Variants in TRIM65 observed in about 807,000 individuals in gnomAD.
TRIM65 encodes E3 ubiquitin-protein ligase TRIM65.
A neutral mutation model predicts 36.1 loss-of-function variants in TRIM65; 46 were observed. That is an observed-to-expected ratio of 1.27 (90% CI 1.01 to 1.63). The LOEUF is 1.63. Among genes scored for constraint, TRIM65 ranks in the 40% most tolerant of loss-of-function variants. TRIM65 has a pLI of 0.00. For missense variants in TRIM65, 708 were observed against 696.6 expected, an observed-to-expected ratio of 1.02 and a Z score of -0.18; for synonymous variants, 346 against 313.6, an observed-to-expected ratio of 1.10 and a Z score of -1.09.
chr17:75,888,317 T>C (rs2065225664), downstream of TRIM65, among the ~76,000 whole-genome samples: 2 of 148,476 alleles, frequency 1.3e-5, no homozygotes, highest in Non-Finnish European at 3.0e-5. Flanking sequence ...CACGCTATTG[T>C]ACTCCAGCCT....
rs148800033 is a variant in TRIM65, at chr17:75,881,674, A to C, written c.350-1045T>G. 2.3e-4 allele frequency among the ~76,000 whole-genome samples: 35 copies of C among 150,608 alleles called. 1 individual carries two copies. Among genetic ancestry groups the C allele is most frequent in the African/African-American group, 8.0e-4 (32 of 40,014 alleles). ...ATTCTGAGGGTACACACACATTCAG[A>C]CTGTTGCAACTCCAAGTGCCAAAAG... is the stretch of plus-strand genomic sequence containing the variant. On this transcript the variant is annotated intron_variant, in intron 4 of 4. Coordinates refer to the TRIM65 transcript ENST00000591668.
At chr17:75,886,539 A>C (rs938528238), downstream of TRIM65, among the ~76,000 whole-genome samples, 3 of 151,660 alleles carry the variant, frequency 2.0e-5, no homozygotes, top group African/African-American at 4.8e-5. Flanking sequence ...AAAAAAAAAA[A>C]AAACCAAAAA....
intron 4 of TRIM65, among the ~76,000 whole-genome samples, chr17:75,882,705 G>A (rs1389904803): frequency 6.6e-6 from 1 of 150,676 alleles, no homozygotes; most frequent in Non-Finnish European, 1.5e-5. Flanking sequence ...AATTCCGATA[G>A]GTACCATGTC....
At chr17:75,896,184 T>C (rs781087639) in intron 1 of TRIM65, among the ~76,000 whole-genome samples, 4 of 152,182 alleles carry the variant, frequency 2.6e-5, no homozygotes, top group Non-Finnish European at 4.4e-5. Context: ...GCCTCCCGAG[T>C]AGATGGGACT....
chr17:75,892,014 C>T lies in TRIM65; in HGVS notation c.916G>A (p.Val306Met), dbSNP rs1294238499. The T allele has an allele frequency of 4.5e-5, 70 of 1,552,190 alleles. 1 individual carries two copies. Among genetic ancestry groups the T allele is most frequent in the South Asian group, 4.2e-4 (35 of 84,278 alleles). Residue 306 changes from valine to methionine, a missense_variant, in exon 4 of 6, where the codon GTG becomes ATG. Coordinates refer to ENST00000269383, the MANE Select transcript of TRIM65 (RefSeq NM_173547.4). ...GGAGGCCTGGGGTCAGTCTTACCCA[C>T]GGGGGCTAAGTCCACAGGCTTGGCT... is the stretch of plus-strand genomic sequence containing the variant. ...APAKPVDLAP[V>M]EAPGPLAPVP...
downstream of TRIM65, among the ~76,000 whole-genome samples, chr17:75,886,225 A>G (rs2065205659): frequency 6.6e-6 from 1 of 152,158 alleles, no homozygotes; most frequent in African/African-American, 2.4e-5. Flanking sequence ...CTGTGAGTCC[A>G]TTAAACCTCT....
In TRIM65 at chr17:75,892,288, C is replaced by T. The variant is rs1246526781; in HGVS notation, c.723G>A (p.Val241=). 1.2e-6 allele frequency: 2 copies of T among 1,612,324 alleles called. No individual in the cohort carries two copies. Among genetic ancestry groups the T allele is most frequent in the Non-Finnish European group, 1.7e-6 (2 of 1,179,616 alleles). The change falls in exon 3 of 6, where the codon GTG becomes GTA. Residue 241 remains valine (V), a synonymous_variant. Coordinates refer to ENST00000269383, the MANE Select transcript of TRIM65 (RefSeq NM_173547.4). ...GCACCTGCAGGAAGGTCTGCTCATC[C>T]ACCTGCTCCAGGAGCTCCCGGATCC... ...GCRIRELLEQ[V]DEQTFLQESQ... is the part of the protein sequence containing the mutation.
At chr17:75,879,583 TGTTAA>T (rs1000649482), downstream of TRIM65, 2 of 150,698 alleles carry the variant, frequency 1.3e-5, no homozygotes, top group Non-Finnish European at 2.9e-5. Context: ...ATCTCAATAA[TGTTAA>T]GTTAAAACAC....
rs1417412214 is a variant in TRIM65 at position 75,889,920 on chromosome 17, T to A, written c.*859A>T. The A allele has an allele frequency of 6.6e-6, 1 of 151,790 alleles. No individual in the cohort carries two copies. Among genetic ancestry groups the A allele is most frequent in the Non-Finnish European group, 1.5e-5 (1 of 67,950 alleles). 9.4% of individuals were successfully genotyped at this position (151,790 alleles called of 1,614,324 possible). ...CACCAGCCTGGGTGACAGATGGAGATCCTGTCTCAAAAAAAACACATCAAT... is the reference window on the plus strand; with the variant it reads ...CACCAGCCTGGGTGACAGATGGAGAACCTGTCTCAAAAAAAACACATCAAT... On this transcript the variant is annotated 3_prime_UTR_variant, in exon 6 of 6. Coordinates refer to ENST00000269383, the MANE Select transcript of TRIM65 (RefSeq NM_173547.4).
At chr17:75,886,798 A>G (rs1234484653), downstream of TRIM65, among the ~76,000 whole-genome samples, 1 of 152,112 alleles carries the variant, frequency 6.6e-6, no homozygotes, top group East Asian at 1.9e-4. Flanking sequence ...AACACCCACA[A>G]GCTAATCAAA....
In TRIM65 at chr17:75,896,814, G is replaced by C; in HGVS notation, c.124C>G (p.Arg42Gly). ...CGACIRDWWD[R>G]CGKACPECRE... Reference sequence around the variant, plus strand: ...CACTCGGGGCACGCCTTTCCGCAGCGGTCCCACCAGTCCCGGATGCAGGCC... The same window carrying C: ...CACTCGGGGCACGCCTTTCCGCAGCCGTCCCACCAGTCCCGGATGCAGGCC... Residue 42 changes from arginine (R) to glycine (G), a missense_variant, in exon 1 of 6, where the codon CGC becomes GGC. Transcript: ENST00000269383. 1.3e-6 allele frequency: 2 copies of C among 1,515,520 alleles called. No homozygotes were observed. The allele number at this position is 1,515,520 out of a possible 1,614,324, so 93.9% of individuals were successfully genotyped here.
At position 75,892,385 on chromosome 17, in the gene TRIM65, G is replaced by A. The variant is rs768371299; in HGVS notation, c.626C>T (p.Ala209Val). 19 of 1,613,728 alleles carry A rather than the reference G, an allele frequency of 1.2e-5. No homozygotes were observed. The highest frequency in any genetic ancestry group is 2.7e-5 in the African/African-American group (2 of 74,940). Residue 209 changes from alanine to valine, a missense_variant, in exon 3 of 6, where the codon GCG becomes GTG. Coordinates refer to ENST00000269383, the MANE Select transcript of TRIM65 (RefSeq NM_173547.4). ...CTCCTCGTCTCGAGCCTGTGCCAGC[G>A]CCTGCGTCTTGGCCACCTCGATGCT... is the stretch of plus-strand genomic sequence containing the variant. ...LRSIEVAKTQ[A>V]LAQARDEEQR... is the part of the protein sequence containing the mutation.
intron 2 of TRIM65, 88 bp downstream of exon 2, chr17:75,892,667 C>T: frequency 7.3e-7 from 1 of 1,374,664 alleles, no homozygotes; most frequent in Non-Finnish European, 1.0e-6. Context: ...GCCCCGCTCC[C>T]TGCTGCCTGG....
downstream of TRIM65, among the ~76,000 whole-genome samples, chr17:75,884,712 G>A (rs564158293): frequency 3.9e-5 from 6 of 152,192 alleles, no homozygotes; most frequent in African/African-American, 9.6e-5. Context: ...TCAACATCCC[G>A]GGCTCAGGTG....
downstream of TRIM65, among the ~76,000 whole-genome samples, chr17:75,887,944 AG>A (rs569671718): frequency 2.0e-5 from 3 of 152,122 alleles, no homozygotes; most frequent in Non-Finnish European, 4.4e-5. Context: ...TCACAAGGTC[AG>A]GAGATCGAGA....
At chr17:75,886,536 A>C (rs571602142), downstream of TRIM65, among the ~76,000 whole-genome samples, 192 of 151,796 alleles carry the variant, frequency 1.3e-3, no homozygotes, top group South Asian at 1.9e-3. Context: ...AAAAAAAAAA[A>C]AAAAAACCAA....
At chr17:75,895,141 C>T (rs539216445) in intron 1 of TRIM65, among the ~76,000 whole-genome samples, 1 of 152,308 alleles carries the variant, frequency 6.6e-6, no homozygotes, top group East Asian at 1.9e-4. Flanking sequence ...AGACAGAAAC[C>T]CAGGTGTCTC....
At chr17:75,891,483 G>A (rs956216170) in intron 5 of TRIM65, 136 bp from the exon 6 acceptor site, 9 of 943,968 alleles carry the variant, frequency 9.5e-6, no homozygotes, top group African/African-American at 5.0e-5. Context: ...CCACGACCTC[G>A]CAGGCGGAAT....
intron 4 of TRIM65, among the ~76,000 whole-genome samples, chr17:75,882,395 G>A (rs1006956236): frequency 2.0e-5 from 3 of 150,388 alleles, no homozygotes; most frequent in Non-Finnish European, 2.9e-5. Context: ...TTTTAGTGGC[G>A]ATGGGGTTTC....
Sources: gnomAD v4.1 joint callset for allele counts (sites outside exome capture counted in the v4.1 genomes callset) on GRCh38, gnomAD v4.1.1 for gene constraint, MANE v1.5 for transcripts, NCBI Gene and HGNC (gene_info 2026-07-23, HGNC 2026-07-21) for gene names.